The following CHD2 variants were observed in gnomAD, a reference collection of about 807,000 sequenced individuals.
CHD2 encodes the protein ATP-dependent chromatin remodeler CHD2.
CHD2 carries 28 observed loss-of-function variants against 243.9 expected under a neutral mutation model. That is an observed-to-expected ratio of 0.11 (90% CI 0.09 to 0.16). The LOEUF (loss-of-function observed/expected upper bound fraction) is 0.16. Ranked by LOEUF, CHD2 falls within the 10% of genes least tolerant of loss-of-function variation. CHD2 has a pLI of 1.00. For missense variants in CHD2, 1,386 were observed against 2,209.8 expected (o/e 0.63, Z 7.47); for synonymous variants, 775 against 779.0 (o/e 0.99, Z 0.09).
At position 93,021,595 on chromosome 15, in the gene CHD2, AC is replaced by A. The variant is rs565142956; in HGVS notation, c.5153+1339del. 3.3e-5 allele frequency: 5 copies of A among 152,292 alleles called. No homozygotes were observed. The South Asian group carries it at 1.0e-3, about 32-fold the overall frequency. 9.4% of individuals were successfully genotyped at this position (152,292 alleles called of 1,614,324 possible). A position where few individuals can be genotyped will look rare whatever the true frequency, so the allele number is the denominator to read the frequency against. On this transcript the variant is annotated intron_variant, in intron 38 of 38. Transcript: ENST00000394196. ...TTCACTGTGGATAGTTTCTATTGCT[AC>A]CTCTTCAAGTTCACTAATACTTTCC...
chr15:92,950,102 G>T (rs1034662571), intron 13 of CHD2, among the ~76,000 whole-genome samples: 2 of 152,188 alleles, frequency 1.3e-5, no homozygotes, highest in African/African-American at 2.4e-5. Context: ...GCTGGGAAAT[G>T]CCTGGGCACG....
At chr15:93,015,788 C>G (rs929614501) in intron 37 of CHD2, among the ~76,000 whole-genome samples, 1 of 152,110 alleles carries the variant, frequency 6.6e-6, no homozygotes, top group Admixed American at 6.5e-5. Flanking sequence ...CAGGGAAATG[C>G]AAATTAAAAG....
At chr15:92,915,266 G>T (rs1567122251) in intron 2 of CHD2, among the ~76,000 whole-genome samples, 1 of 151,930 alleles carries the variant, frequency 6.6e-6, no homozygotes, top group Non-Finnish European at 1.5e-5. Flanking sequence ...AAAGTTCAAA[G>T]GATATAATTA....
In CHD2 at chr15:93,020,036, G is replaced by A. The variant is rs997227724; in HGVS notation, c.4931G>A (p.Arg1644Lys). The change falls in exon 38 of 39, where the codon AGA (arginine) becomes AAA (lysine). Residue 1644 changes from arginine to lysine, a missense_variant. Arg to Lys is a conservative substitution (Grantham distance 26). This residue lies in a region of CHD2 where 347 missense variants were observed against 341.6 expected (regional missense o/e 1.02). Coordinates refer to ENST00000394196, the MANE Select transcript of CHD2 (RefSeq NM_001271.4). The part of the protein sequence containing the change: ...NADRGDWQRE[R>K]KFNYGGGNNN... ...GATCGAGGAGACTGGCAGAGGGAAA[G>A]AAAGTTCAACTATGGTGGTGGCAAC... 3.1e-6 allele frequency: 5 copies of A among 1,613,186 alleles called. No homozygotes were observed. The highest frequency in any genetic ancestry group is 2.7e-5 in the African/African-American group (2 of 74,888).
chr15:93,021,020 G>A (rs995747927), intron 38 of CHD2: 4 of 152,154 alleles, frequency 2.6e-5, no homozygotes, highest in African/African-American at 7.2e-5. Context: ...GGACCCAGTG[G>A]GCATCTTGCC....
intron 34 of CHD2, among the ~76,000 whole-genome samples, chr15:93,006,103 G>A (rs1470868059): frequency 1.3e-5 from 2 of 148,878 alleles, no homozygotes; most frequent in African/African-American, 4.9e-5. Flanking sequence ...CTCAACCTAT[G>A]CTTTTTCTGT....
rs1567157855 is a variant in CHD2, at chr15:92,997,704, G to A, written c.3885+301G>A. 4.8e-6 allele frequency: 1 copy of A among 210,196 alleles called. No homozygotes were observed. Among genetic ancestry groups the A allele is most frequent in the Non-Finnish European group, 9.4e-6 (1 of 106,414 alleles). The allele number at this position is 210,196 out of a possible 1,614,324, so 13.0% of individuals were successfully genotyped here. A position where few individuals can be genotyped will look rare whatever the true frequency, so the allele number is the denominator to read the frequency against. ...CCAGGTGAGTTTGTTAATGATAAAA[G>A]CATTCCTTGGCCTTAGTTATTGGCC... On this transcript the variant is annotated intron_variant, in intron 30 of 38. Transcript: ENST00000394196. The surrounding 1 kb of genome is among the most constrained non-coding windows in gnomAD (Gnocchi z 4.1).
chr15:92,996,926 A>G, intron 28 of CHD2, 31 bp from the exon 29 acceptor site: 2 of 1,587,054 alleles, frequency 1.3e-6, no homozygotes, highest in Non-Finnish European at 1.7e-6. Flanking sequence ...GCAGATTTTC[A>G]TTTAACTAAT....
chr15:92,927,606 G>A (rs1466941114), intron 4 of CHD2, among the ~76,000 whole-genome samples: 5 of 152,146 alleles, frequency 3.3e-5, no homozygotes, highest in Non-Finnish European at 7.4e-5. Flanking sequence ...GTCTCTCATA[G>A]TGAAAATTGA....
At chr15:92,977,211 A>G (rs1406473629) in intron 20 of CHD2, among the ~76,000 whole-genome samples, 4 of 152,158 alleles carry the variant, frequency 2.6e-5, no homozygotes, top group African/African-American at 9.7e-5. Flanking sequence ...TCTCTTAAGA[A>G]TCACAGATTA....
intron 22 of CHD2, among the ~76,000 whole-genome samples, chr15:92,979,555 T>A (rs2053951028): frequency 6.6e-6 from 1 of 152,046 alleles, no homozygotes; most frequent in Admixed American, 6.5e-5. Context: ...GCAACAGCAG[T>A]GGAGTTGTGT....
At chr15:92,942,087 C>A in intron 8 of CHD2, 132 bp downstream of exon 8, 1 of 833,258 alleles carries the variant, frequency 1.2e-6, no homozygotes, top group Non-Finnish European at 1.9e-6. Flanking sequence ...GTCTTTCTGA[C>A]CCAGTGTTTC....
chr15:92,964,030 A>G (rs1407305076), intron 16 of CHD2, among the ~76,000 whole-genome samples: 1 of 152,242 alleles, frequency 6.6e-6, no homozygotes, highest in Non-Finnish European at 1.5e-5. Context: ...TTTTCCTGCC[A>G]TTAAGTAGCT....
At chr15:92,920,396 T>C (rs1420377687) in intron 2 of CHD2, among the ~76,000 whole-genome samples, 1 of 152,250 alleles carries the variant, frequency 6.6e-6, no homozygotes, top group Non-Finnish European at 1.5e-5. Context: ...AATAGGGGAA[T>C]GTTATATAAA....
chr15:92,930,456 A>C (rs1255871417), intron 5 of CHD2, among the ~76,000 whole-genome samples: 1 of 152,036 alleles, frequency 6.6e-6, no homozygotes, highest in Non-Finnish European at 1.5e-5. Flanking sequence ...GTTTTGAGAC[A>C]GGGTCTCACT....
At chr15:93,008,592 A>T (rs923808472) in intron 34 of CHD2, among the ~76,000 whole-genome samples, 4 of 152,034 alleles carry the variant, frequency 2.6e-5, no homozygotes, top group African/African-American at 9.7e-5. Flanking sequence ...TTTTGTTGCC[A>T]TTATCCTCTC....
chr15:92,931,260 A>T (rs1456233453), intron 5 of CHD2, among the ~76,000 whole-genome samples: 1 of 152,244 alleles, frequency 6.6e-6, no homozygotes, highest in East Asian at 1.9e-4. Context: ...ATTTTGTAAA[A>T]TTGGTTTAAA....
chr15:92,971,449 A>G (rs952100101), intron 17 of CHD2, among the ~76,000 whole-genome samples: 10 of 151,842 alleles, frequency 6.6e-5, no homozygotes, highest in Non-Finnish European at 1.5e-4. Flanking sequence ...GTATGTATGT[A>G]TGTGTGTGTG....
At chr15:93,015,432 AACGAAAAAG>A (rs2054447187) in intron 37 of CHD2, among the ~76,000 whole-genome samples, 1 of 152,214 alleles carries the variant, frequency 6.6e-6, no homozygotes. Context: ...AACATGAACA[AACGAAAAAG>A]ACTGAGGGAG....
Sources: gnomAD v4.1 joint callset for allele counts (sites outside exome capture counted in the v4.1 genomes callset) on GRCh38, gnomAD v4.1.1 for gene constraint, gnomAD v4.1.1 regional missense constraint, Gnocchi (gnomAD v3.1) non-coding constraint, MANE v1.5 for transcripts, NCBI Gene and HGNC (gene_info 2026-07-23, HGNC 2026-07-21) for gene names.